Variants in LARGE1 observed in about 807,000 individuals in gnomAD.
The protein encoded by LARGE1 is xylosyl- and glucuronyltransferase LARGE1.
A neutral mutation model predicts 87.6 loss-of-function variants in LARGE1; 43 were observed. That is an observed-to-expected ratio of 0.49 (90% CI 0.38 to 0.63). The LOEUF is 0.63. Among genes scored for constraint, LARGE1 ranks in the 30% least tolerant of loss-of-function variants. The pLI is 0.00. For missense variants in LARGE1, 802 were observed against 1,000.2 expected (o/e 0.80, Z 2.67); for synonymous variants, 434 against 394.6 (o/e 1.10, Z -1.18).
At chr22:33,116,777 T>A in the LARGE1 span, among the ~76,000 whole-genome samples, 38 of 152,144 alleles carry the variant, frequency 2.5e-4, no homozygotes, top group Admixed American at 2.2e-3. Context: ...TTTCATAAAG[T>A]GGGGGTGGAG....
chr22:33,331,062 A>G (rs1374391758), intron 10 of LARGE1, among the ~76,000 whole-genome samples: 1 of 152,180 alleles, frequency 6.6e-6, no homozygotes, highest in Non-Finnish European at 1.5e-5. Flanking sequence ...CTATGTGTGG[A>G]ACAGTGGATT....
chr22:33,607,645 C>A (rs1434197099), intron 4 of LARGE1, among the ~76,000 whole-genome samples: 1 of 151,904 alleles, frequency 6.6e-6, no homozygotes, highest in Admixed American at 6.6e-5. Flanking sequence ...GAGAAAGGCA[C>A]CTTGGAGGAG....
intron 2 of LARGE1, among the ~76,000 whole-genome samples, chr22:33,681,690 A>C (rs994248136): frequency 1.3e-5 from 2 of 152,156 alleles, no homozygotes; most frequent in Non-Finnish European, 2.9e-5. Context: ...GATCTCTCCA[A>C]AATTTCTCTT....
At chr22:33,556,576 C>G (rs58555580) in intron 6 of LARGE1, among the ~76,000 whole-genome samples, 9,598 of 49,708 alleles carry the variant, frequency 0.19, 1,923 homozygotes, top group African/African-American at 0.45. Flanking sequence ...GGCAGGCAGG[C>G]AGGCAGGCAG....
the LARGE1 span, chr22:33,110,564 C>G: frequency 2.6e-5 from 4 of 152,270 alleles, no homozygotes; most frequent in East Asian, 7.7e-4. Flanking sequence ...AGGAGCATCA[C>G]AGAGACCACT....
At chr22:33,586,151 T>C (rs2148894576) in intron 5 of LARGE1, among the ~76,000 whole-genome samples, 1 of 152,284 alleles carries the variant, frequency 6.6e-6, no homozygotes, top group Middle Eastern at 3.4e-3. Flanking sequence ...TGAGTTTTCA[T>C]TTTTTTCCGT....
intron 9 of LARGE1, among the ~76,000 whole-genome samples, chr22:33,358,307 T>TC (rs2064253878): frequency 6.6e-6 from 1 of 151,394 alleles, no homozygotes; most frequent in Non-Finnish European, 1.5e-5. Context: ...AACTGTTTTT[T>TC]TTTCTTCCTT....
At chr22:33,603,740 T>C (rs1368083586) in intron 5 of LARGE1, among the ~76,000 whole-genome samples, 1 of 152,176 alleles carries the variant, frequency 6.6e-6, no homozygotes, top group African/African-American at 2.4e-5. Context: ...GTGACAAGAC[T>C]GGAAGTAGAA....
chr22:33,856,244 T>C (rs2146547307), intron 1 of LARGE1, among the ~76,000 whole-genome samples: 2 of 152,204 alleles, frequency 1.3e-5, no homozygotes, highest in African/African-American at 4.8e-5. Flanking sequence ...GGGGCCATGC[T>C]CCTCTGGAAA....
At chr22:33,318,164 G>T (rs1936357840) in intron 10 of LARGE1, among the ~76,000 whole-genome samples, 1 of 151,174 alleles carries the variant, frequency 6.6e-6, no homozygotes, top group Non-Finnish European at 1.5e-5. Flanking sequence ...GAACCCAGGG[G>T]GCAGAGGTTG....
rs71320980 is a variant in LARGE1, at chr22:33,475,424, ATATTTATTTATTTATTTATT to A, written c.788-43179_788-43160del. On this transcript the variant is annotated intron_variant, in intron 6 of 14. Coordinates refer to ENST00000397394, the MANE Select transcript of LARGE1 (RefSeq NM_133642.5). The stretch of plus-strand genomic sequence containing the variant: ...ACTTGATAATCAGCATCAGTGAGTC[ATATTTATTTATTTATTTATT>A]TATTTATTTATTTATTTATTTATTT... Among the ~76,000 whole-genome samples, 259 of 135,296 alleles carry A rather than the reference ATATTTATTTATTTATTTATT, an allele frequency of 1.9e-3. 1 individual carries two copies. Among genetic ancestry groups the A allele is most frequent in the African/African-American group, 5.4e-3 (197 of 36,226 alleles). The allele number at this position is 135,296 out of a possible 152,430, so 88.8% of individuals were successfully genotyped here. A position where few individuals can be genotyped will look rare whatever the true frequency, so the allele number is the denominator to read the frequency against.
intron 9 of LARGE1, among the ~76,000 whole-genome samples, chr22:33,343,362 C>T (rs1474356065): frequency 6.6e-6 from 1 of 152,176 alleles, no homozygotes; most frequent in Non-Finnish European, 1.5e-5. Flanking sequence ...TGAAGTGAGC[C>T]TCCTGCCTCA....
chr22:33,523,574 G>A (rs1246076064), intron 6 of LARGE1, among the ~76,000 whole-genome samples: 1 of 152,154 alleles, frequency 6.6e-6, no homozygotes, highest in Non-Finnish European at 1.5e-5. Context: ...CACATTAGAT[G>A]CAGTGTGGTT....
intron 11 of LARGE1, among the ~76,000 whole-genome samples, chr22:33,219,807 T>A (rs549665630): frequency 6.6e-6 from 1 of 152,260 alleles, no homozygotes; most frequent in Non-Finnish European, 1.5e-5. Context: ...GTGGATTTAT[T>A]GCCCAGCCTG....
intron 1 of LARGE1, among the ~76,000 whole-genome samples, chr22:33,804,565 A>C (rs985692165): frequency 6.6e-6 from 1 of 152,212 alleles, no homozygotes; most frequent in Non-Finnish European, 1.5e-5. Flanking sequence ...TACCAGGCAC[A>C]CACCTGGCAC....
At chr22:33,779,090 G>A (rs1006301382) in intron 1 of LARGE1, among the ~76,000 whole-genome samples, 1 of 152,136 alleles carries the variant, frequency 6.6e-6, no homozygotes, top group African/African-American at 2.4e-5. Context: ...ACATTTGCGC[G>A]TAAGTACTTG....
chr22:33,137,575 A>T, the LARGE1 span, among the ~76,000 whole-genome samples: 1 of 152,214 alleles, frequency 6.6e-6, no homozygotes, highest in South Asian at 2.1e-4. Context: ...CCTCAAGACA[A>T]TGGGGAAAAT....
intron 8 of LARGE1, among the ~76,000 whole-genome samples, chr22:33,383,986 C>T (rs571743114): frequency 6.6e-6 from 1 of 152,286 alleles, no homozygotes; most frequent in African/African-American, 2.4e-5. Flanking sequence ...TGAAAGTCTG[C>T]CGAATGAACA....
At chr22:33,335,763 G>A (rs952272940) in intron 10 of LARGE1, among the ~76,000 whole-genome samples, 4 of 152,108 alleles carry the variant, frequency 2.6e-5, no homozygotes, top group Admixed American at 6.6e-5. Context: ...TACCTGGAAC[G>A]TGCTCCCTTT....
Sources: gnomAD v4.1 joint callset for allele counts (sites outside exome capture counted in the v4.1 genomes callset) on GRCh38, gnomAD v4.1.1 for gene constraint, MANE v1.5 for transcripts, NCBI Gene and HGNC (gene_info 2026-07-23, HGNC 2026-07-21) for gene names.